CUBN: variants seen among roughly 807,000 people sequenced by gnomAD.
The protein encoded by CUBN is cubilin.
Under a neutral mutation model 405.3 loss-of-function variants are expected in CUBN, and 282 were observed. The ratio of observed to expected loss-of-function variants is 0.70; its 90% confidence interval spans 0.63 to 0.77. The LOEUF (loss-of-function observed/expected upper bound fraction) is 0.77. CUBN is among the 30% of genes least tolerant of loss of function. The pLI is 0.00. For missense variants in CUBN, 4,514 were observed against 4,475.2 expected (o/e 1.01, Z -0.25); for synonymous variants, 1,684 against 1,617.0 (o/e 1.04, Z -0.99).
At chr10:16,999,402 T>C (rs1281889639) in intron 28 of CUBN, among the ~76,000 whole-genome samples, 2 of 152,236 alleles carry the variant, frequency 1.3e-5, no homozygotes, top group African/African-American at 2.4e-5. Flanking sequence ...TCACTTTGAT[T>C]AACTTTATCA....
chr10:17,027,430 T>C (rs1222107550), intron 27 of CUBN, among the ~76,000 whole-genome samples: 1 of 152,128 alleles, frequency 6.6e-6, no homozygotes, highest in Non-Finnish European at 1.5e-5. Context: ...AATATTAAAA[T>C]AAAATAAATA....
chr10:16,946,497 T>C, intron 36 of CUBN, among the ~76,000 whole-genome samples: 1 of 149,222 alleles, frequency 6.7e-6, no homozygotes, highest in Non-Finnish European at 1.5e-5. Flanking sequence ...TTCCTTTTTT[T>C]TTTTTTTTTT....
intron 31 of CUBN, among the ~76,000 whole-genome samples, chr10:16,956,466 C>A (rs966354815): frequency 1.3e-5 from 2 of 151,758 alleles, no homozygotes; most frequent in African/African-American, 4.8e-5. Context: ...CCTTTGAACA[C>A]GTTGAACACT....
At chr10:16,889,174 T>C (rs969582620) in intron 55 of CUBN, among the ~76,000 whole-genome samples, 10 of 152,190 alleles carry the variant, frequency 6.6e-5, no homozygotes, top group African/African-American at 2.4e-4. Flanking sequence ...CACTCTCTGA[T>C]CTATCAAGCA....
rs1407183831 is a variant in CUBN at position 16,984,154 on chromosome 10, C to T, written c.4476G>A (p.Leu1492=). The T allele has an allele frequency of 1.9e-6, 3 of 1,614,160 alleles. No homozygotes were observed. Among genetic ancestry groups the T allele is most frequent in the Admixed American group, 1.7e-5 (1 of 60,012 alleles). Residue 1492 remains leucine, a synonymous_variant, in exon 30 of 67, where the codon TTG becomes TTA. Transcript: ENST00000377833. ...NELAIRFKTD[L]SINGRGFNAS... ...CATTGAAGCCTCTCCCATTTATGGACAAGTCGGTCTTGAATCGAATTGCTA... is the reference window on the plus strand; with the variant it reads ...CATTGAAGCCTCTCCCATTTATGGATAAGTCGGTCTTGAATCGAATTGCTA...
chr10:16,918,692 C>T lies in CUBN; in HGVS notation c.6930G>A (p.Glu2310=), dbSNP rs958776065. 1 of 1,612,716 alleles carries T rather than the reference C, an allele frequency of 6.2e-7. No homozygotes were observed. Among genetic ancestry groups the T allele is most frequent in the African/African-American group, 1.3e-5 (1 of 74,884 alleles). Residue 2310 remains glutamate (E), a synonymous_variant, in exon 45 of 67, where the codon GAG becomes GAA. Coordinates refer to ENST00000377833, the MANE Select transcript of CUBN (RefSeq NM_001081.4). ...SLPSSQWSSG[E]VMYLRFRSDN... is the part of the protein sequence containing the mutation. ...CAGATCGAAATCTCAAATACATAAC[C>T]TCTCCTGAGGACCACTGACTGCTGG...
At chr10:17,087,616 C>T (rs2131868526) in intron 15 of CUBN, among the ~76,000 whole-genome samples, 1 of 151,730 alleles carries the variant, frequency 6.6e-6, no homozygotes, top group East Asian at 1.9e-4. Context: ...GCTGGGGTTA[C>T]AGGCACCCGC....
chr10:17,039,386 C>T (rs1456556816), intron 27 of CUBN, among the ~76,000 whole-genome samples: 1 of 152,152 alleles, frequency 6.6e-6, no homozygotes, highest in East Asian at 1.9e-4. Context: ...ACTTACTGAA[C>T]TCCTGTAATG....
chr10:16,937,980 G>A (rs1842563762), intron 38 of CUBN, among the ~76,000 whole-genome samples, 196 bp from the exon 39 acceptor site: 1 of 152,104 alleles, frequency 6.6e-6, no homozygotes, highest in Non-Finnish European at 1.5e-5. Flanking sequence ...TTAATGTTTT[G>A]AAAACATTTG....
At chr10:16,854,303 T>A (rs1010580602) in intron 59 of CUBN, among the ~76,000 whole-genome samples, 2 of 152,068 alleles carry the variant, frequency 1.3e-5, no homozygotes, top group African/African-American at 4.8e-5. Flanking sequence ...ATAATGAGAA[T>A]TAGGATTGGG....
chr10:16,921,007 C>T (rs61841434), intron 43 of CUBN, among the ~76,000 whole-genome samples: 85 of 152,330 alleles, frequency 5.6e-4, no homozygotes, highest in Non-Finnish European at 1.1e-3. Flanking sequence ...GTCTTTCCTT[C>T]AAACTTCCCT....
chr10:17,056,880 C>T (rs766660637), intron 22 of CUBN, among the ~76,000 whole-genome samples: 2 of 151,960 alleles, frequency 1.3e-5, no homozygotes, highest in Non-Finnish European at 2.9e-5. Flanking sequence ...CAAAAATGAA[C>T]CATATGGTTT....
At chr10:16,970,863 T>A (rs1687696) in intron 31 of CUBN, among the ~76,000 whole-genome samples, 62,645 of 151,934 alleles carry the variant, frequency 0.41, 13,596 homozygotes, top group Non-Finnish European at 0.49. Flanking sequence ...TGTCTTTTTT[T>A]AAAAAATTAG....
chr10:16,841,937 C>G (rs1839365073), intron 60 of CUBN, among the ~76,000 whole-genome samples: 1 of 142,834 alleles, frequency 7.0e-6, no homozygotes, highest in African/African-American at 2.5e-5. Flanking sequence ...AAAAGATATC[C>G]CCAACTCAAT....
At chr10:16,888,390 G>C in intron 56 of CUBN, 27 bp downstream of exon 56, 1 of 1,586,896 alleles carries the variant, frequency 6.3e-7, no homozygotes, top group Non-Finnish European at 8.6e-7. Context: ...TCAATTAAAC[G>C]TAATTTTTTT....
intron 28 of CUBN, among the ~76,000 whole-genome samples, chr10:17,008,510 G>A (rs1332636655): frequency 6.6e-6 from 1 of 151,596 alleles, no homozygotes; most frequent in East Asian, 1.9e-4. Flanking sequence ...CACCTTGGCA[G>A]CGCTGTTTCT....
intron 14 of CUBN, among the ~76,000 whole-genome samples, chr10:17,095,653 C>G (rs1231177621): frequency 6.6e-6 from 1 of 151,946 alleles, no homozygotes; most frequent in Non-Finnish European, 1.5e-5. Flanking sequence ...TGAAAGTATA[C>G]TGGTACAGCC....
chr10:16,928,554 G>C (rs1284322803), intron 40 of CUBN, among the ~76,000 whole-genome samples: 1 of 103,706 alleles, frequency 9.6e-6, no homozygotes, highest in African/African-American at 3.6e-5. Flanking sequence ...TTTTGAGATG[G>C]AGTCTTCCTC....
In CUBN at chr10:17,068,156, T is replaced by G; in HGVS notation, c.2916A>C (p.Leu972Phe). 6.2e-7 allele frequency: 1 copy of G among 1,613,712 alleles called. No individual in the cohort carries two copies. Among genetic ancestry groups the G allele is most frequent in the Non-Finnish European group, 8.5e-7 (1 of 1,179,664 alleles). Residue 972 changes from leucine (L) to phenylalanine (F), a missense_variant, in exon 21 of 67, where the codon TTA (leucine) becomes TTC (phenylalanine). By Grantham distance (22) the Leu-to-Phe change is conservative (BLOSUM62 0). Around this residue, in one of 5 missense-constraint regions of CUBN, gnomAD observed 1,448 missense variants for 1,388.0 expected, o/e 1.04. Coordinates refer to ENST00000377833, the MANE Select transcript of CUBN (RefSeq NM_001081.4). ...ACTCCAGATGAAATGTTTCGAACAT[T>G]AAATGAATCAGGTGATTAGGTTGGA... is the stretch of plus-strand genomic sequence containing the variant. ...ILVQPNHLIHLMFETFHLEFH... is the reference protein window; with the variant it reads ...ILVQPNHLIHFMFETFHLEFH...
Sources: gnomAD v4.1 joint callset for allele counts (sites outside exome capture counted in the v4.1 genomes callset) on GRCh38, gnomAD v4.1.1 for gene constraint, gnomAD v4.1.1 regional missense constraint, MANE v1.5 for transcripts, NCBI Gene and HGNC (gene_info 2026-07-23, HGNC 2026-07-21) for gene names.